SRBD1: variants seen among roughly 807,000 people sequenced by gnomAD.
SRBD1 encodes the protein S1 RNA-binding domain-containing protein 1.
SRBD1 carries 88 observed loss-of-function variants against 115.3 expected under a neutral mutation model. The observed-to-expected ratio is 0.76, with a 90% CI of 0.64 to 0.91. SRBD1 has a LOEUF of 0.91. Ranked by LOEUF, SRBD1 falls within the 40% of genes least tolerant of loss-of-function variation. SRBD1 has a pLI of 0.00. For synonymous variants in SRBD1, 509 were observed against 407.7 expected (o/e 1.25, Z -2.99); for missense variants, 1,385 against 1,177.4 (o/e 1.18, Z -2.58).
rs985522643 is a variant in SRBD1 at position 45,579,936 on chromosome 2, C to T, written c.1011G>A (p.Arg337=). ...GCTCCCCTGGTTTCTCAAGCAGTGC[C>T]CTGGCTGCTCCTTCTAAGCCCAACT... is the stretch of plus-strand genomic sequence containing the variant. ...ARQLGLEGAA[R]ALLEKPGELS... Residue 337 remains arginine, a synonymous_variant, in exon 7 of 21, where the codon AGG becomes AGA. Transcript: ENST00000263736. 2.5e-6 allele frequency: 4 copies of T among 1,609,824 alleles called. No individual in the cohort carries two copies. The highest frequency in any genetic ancestry group is 2.2e-5 in the East Asian group (1 of 44,674).
At chr2:45,413,351 C>T (rs747251960) in intron 18 of SRBD1, 58 bp from the exon 19 acceptor site, 6 of 1,552,518 alleles carry the variant, frequency 3.9e-6, no homozygotes, top group Non-Finnish European at 3.5e-6. Context: ...GCAGAAAAGT[C>T]TTCAAATTAA....
intron 4 of SRBD1, 47 bp downstream of exon 4, chr2:45,599,402 A>G: frequency 6.4e-7 from 1 of 1,574,244 alleles, no homozygotes; most frequent in South Asian, 1.2e-5. Context: ...CTAGTCAAAA[A>G]GAAAGCACTC....
At chr2:45,414,019 A>G (rs1667685473) in intron 18 of SRBD1, among the ~76,000 whole-genome samples, 1 of 152,212 alleles carries the variant, frequency 6.6e-6, no homozygotes, top group African/African-American at 2.4e-5. Context: ...TTAAAATTCT[A>G]AAAGGCTTTC....
chr2:45,393,265 G>C (rs1347932244), intron 19 of SRBD1, 136 bp from the exon 20 acceptor site: 2 of 901,570 alleles, frequency 2.2e-6, no homozygotes, highest in Non-Finnish European at 3.1e-6. Flanking sequence ...AATCTATTAT[G>C]TGTCCTGTGC....
intron 14 of SRBD1, chr2:45,546,448 A>T (rs1439181262): frequency 1.0e-5 from 7 of 682,590 alleles, no homozygotes; most frequent in Non-Finnish European, 1.3e-5. Flanking sequence ...GTTAACTAGA[A>T]CCCTCACACA....
chr2:45,585,853 C>A, intron 4 of SRBD1, 79 bp from the exon 5 acceptor site: 1 of 1,180,350 alleles, frequency 8.5e-7, no homozygotes. Context: ...AACATAGTAT[C>A]AAATAATGTT....
rs140001057 is a variant in SRBD1, at chr2:45,594,474, A to G, written c.648+4975T>C. On this transcript the variant is annotated intron_variant, in intron 4 of 20. Transcript: ENST00000263736. ...TAGCTGGTCACTTCTTCAAATTCTT[A>G]TAGTTCATGGTATCCAAAACATATC... Among the ~76,000 whole-genome samples the G allele has an allele frequency of 6.6e-5, 10 of 152,310 alleles. No homozygotes were observed. In the East Asian group the frequency reaches 1.9e-3, roughly 29 times the overall value.
chr2:45,450,015 T>C (rs1241441997), intron 16 of SRBD1, among the ~76,000 whole-genome samples: 2 of 152,136 alleles, frequency 1.3e-5, no homozygotes, highest in Non-Finnish European at 2.9e-5. Flanking sequence ...TGGCTCCATA[T>C]AACACCAATA....
At position 45,420,963 on chromosome 2, in the gene SRBD1, C is replaced by A. The variant is rs902463477; in HGVS notation, c.2050-1069G>T. 1.6e-4 allele frequency among the ~76,000 whole-genome samples: 24 copies of A among 152,278 alleles called. No individual in the cohort carries two copies. The East Asian group carries it at 1.7e-3, about 11-fold the overall frequency. ...TGTGCCATGTTGGTGGTAGCACTAT[C>A]TGAATCTTAACAGAGGTTATTAACA... On this transcript the variant is annotated intron_variant, in intron 16 of 20. Transcript: ENST00000263736.
At chr2:45,474,917 T>C (rs1236924363) in intron 16 of SRBD1, among the ~76,000 whole-genome samples, 1 of 152,236 alleles carries the variant, frequency 6.6e-6, no homozygotes, top group Non-Finnish European at 1.5e-5. Context: ...GTTCTGAATA[T>C]GCAGCTGATG....
At chr2:45,473,077 C>T (rs1165809835) in intron 16 of SRBD1, among the ~76,000 whole-genome samples, 1 of 151,656 alleles carries the variant, frequency 6.6e-6, no homozygotes, top group Non-Finnish European at 1.5e-5. Flanking sequence ...ATACCTATTA[C>T]TTATTCCTAT....
chr2:45,500,279 CTGTGTG>C (rs139961270), intron 14 of SRBD1, among the ~76,000 whole-genome samples: 1 of 143,354 alleles, frequency 7.0e-6, no homozygotes, highest in Non-Finnish European at 1.5e-5. Flanking sequence ...GTGCATGTCT[CTGTGTG>C]TGTGTGTGTG....
chr2:45,590,786 G>A (rs1432488163), intron 4 of SRBD1, among the ~76,000 whole-genome samples: 1 of 152,148 alleles, frequency 6.6e-6, no homozygotes. Context: ...GGAGGCCGAG[G>A]CGTGCGGATA....
intron 10 of SRBD1, among the ~76,000 whole-genome samples, chr2:45,558,656 A>G (rs1198490626): frequency 6.7e-6 from 1 of 148,682 alleles, no homozygotes; most frequent in South Asian, 2.1e-4. Flanking sequence ...TAACTATATC[A>G]TCTACCTTAT....
chr2:45,565,259 A>T (rs1323720683), intron 9 of SRBD1, among the ~76,000 whole-genome samples: 2 of 152,216 alleles, frequency 1.3e-5, no homozygotes, highest in Non-Finnish European at 2.9e-5. Flanking sequence ...AGTTATCAAG[A>T]CAGTGGGGAC....
chr2:45,583,909 G>T (rs950364523), intron 5 of SRBD1, among the ~76,000 whole-genome samples: 15 of 151,982 alleles, frequency 9.9e-5, no homozygotes, highest in African/African-American at 3.1e-4. Context: ...GCAATAGAAG[G>T]GTTTTTTAAA....
At chr2:45,568,783 A>G (rs981205228) in intron 9 of SRBD1, among the ~76,000 whole-genome samples, 2 of 152,256 alleles carry the variant, frequency 1.3e-5, no homozygotes, top group Non-Finnish European at 2.9e-5. Flanking sequence ...GGTGGACAAA[A>G]TAAGACAGAA....
chr2:45,550,493 C>CAAAAA (rs3064241), intron 12 of SRBD1, among the ~76,000 whole-genome samples: 5 of 135,674 alleles, frequency 3.7e-5, no homozygotes, highest in African/African-American at 1.1e-4. Flanking sequence ...TTACAGTAGC[C>CAAAAA]AAAAAAAAAA....
At chr2:45,575,790 G>C (rs976798839) in intron 7 of SRBD1, among the ~76,000 whole-genome samples, 3 of 152,100 alleles carry the variant, frequency 2.0e-5, no homozygotes, top group African/African-American at 4.8e-5. Context: ...TGCAACCTCT[G>C]CCTCCTGGGT....
Sources: gnomAD v4.1 joint callset for allele counts (sites outside exome capture counted in the v4.1 genomes callset) on GRCh38, gnomAD v4.1.1 for gene constraint, MANE v1.5 for transcripts, NCBI Gene and HGNC (gene_info 2026-07-23, HGNC 2026-07-21) for gene names.